Variants in VWA5B1 observed in about 807,000 individuals in gnomAD.
VWA5B1 encodes von Willebrand factor A domain-containing protein 5B1.
A neutral mutation model predicts 118.2 loss-of-function variants in VWA5B1; 115 were observed. The ratio of observed to expected loss-of-function variants is 0.97; its 90% CI spans 0.84 to 1.14. The LOEUF is 1.14. Ranked by LOEUF, VWA5B1 falls within the 50% of genes most tolerant of loss-of-function variation. The pLI is 0.00. For synonymous variants in VWA5B1, 682 were observed against 658.4 expected, an observed-to-expected ratio of 1.04 and a Z score of -0.55; for missense variants, 1,596 against 1,603.8, an observed-to-expected ratio of 1.00 and a Z score of 0.08.
At chr1:20,311,487 G>A (rs563002411) in intron 2 of VWA5B1, among the ~76,000 whole-genome samples, 53 of 152,278 alleles carry the variant, frequency 3.5e-4, no homozygotes, top group Admixed American at 9.8e-4. Context: ...GGATTGTGGC[G>A]GAGCAGATGA....
At position 20,304,425 on chromosome 1, in the gene VWA5B1, C is replaced by T. The variant is rs79365999; in HGVS notation, c.-26-6151C>T. On this transcript the variant is annotated intron_variant, in intron 1 of 21. Transcript: ENST00000289815. ...TTTGGAGGAAGGCAAGCATGTAGAA[C>T]GTGGAGGGCGGTGGCACTGGAGAGA... Among the ~76,000 whole-genome samples the T allele has an allele frequency of 4.7e-3, 721 of 152,116 alleles. 3 individuals carry two copies. Among genetic ancestry groups the T allele is most frequent in the African/African-American group, 0.015 (604 of 41,480 alleles).
rs186348681 is a variant in VWA5B1, at chr1:20,336,390, G to A, written c.1846G>A (p.Glu616Lys). Reference sequence around the variant, plus strand: ...CTCTCAGGATGACGGACCCGGGCTGGAAGGTGGAGACTGTGCCAAGAACTC... The same window carrying A: ...CTCTCAGGATGACGGACCCGGGCTGAAAGGTGGAGACTGTGCCAAGAACTC... ...YHSQDDGPGL[E>K]GGDCAKNSGA... The change falls in exon 13 of 22, where the codon GAA (glutamate) becomes AAA (lysine). Residue 616 changes from glutamate to lysine, a missense_variant. Glu to Lys is a moderately conservative substitution (Grantham distance 56). Transcript: ENST00000289815. The A allele has an allele frequency of 3.5e-5, 54 of 1,528,712 alleles. No homozygotes were observed. Among genetic ancestry groups the A allele is most frequent in the Non-Finnish European group, 4.4e-5 (50 of 1,135,346 alleles). 94.7% of individuals were successfully genotyped at this position (1,528,712 alleles called of 1,614,324 possible). A position where few individuals can be genotyped will look rare whatever the true frequency, so the allele number is the denominator to read the frequency against.
chr1:20,315,108 G>A (rs1187165652), intron 4 of VWA5B1, among the ~76,000 whole-genome samples: 1 of 152,190 alleles, frequency 6.6e-6, no homozygotes, highest in Non-Finnish European at 1.5e-5. Context: ...ACCCAACCTA[G>A]GGGGCCAGGG....
At chr1:20,304,250 T>G (rs1012214879) in intron 1 of VWA5B1, among the ~76,000 whole-genome samples, 11 of 152,102 alleles carry the variant, frequency 7.2e-5, no homozygotes, top group Non-Finnish European at 1.3e-4. Context: ...GAGGAGAGCG[T>G]GTCTGATGGA....
At chr1:20,337,491 C>T (rs867790446) in intron 13 of VWA5B1, among the ~76,000 whole-genome samples, 155 bp from the exon 14 acceptor site, 15 of 152,060 alleles carry the variant, frequency 9.9e-5, no homozygotes, top group Admixed American at 2.6e-4. Flanking sequence ...GGGCCAGATC[C>T]GGAGAGGCTT....
At chr1:20,330,764 C>T (rs2089527286) in intron 10 of VWA5B1, 105 bp from the exon 11 acceptor site, 9 of 1,163,990 alleles carry the variant, frequency 7.7e-6, no homozygotes, top group South Asian at 5.3e-5. Flanking sequence ...GAATATAGGG[C>T]CAGCTCCAAG....
intron 7 of VWA5B1, chr1:20,323,056 T>C (rs1035181118): frequency 1.3e-5 from 3 of 233,388 alleles, no homozygotes; most frequent in Non-Finnish European, 2.5e-5. Context: ...CGGACATTAT[T>C]CGCCCCATTT....
rs553972599 is a variant in VWA5B1, at chr1:20,313,037, A to G, written c.292+49A>G. 9.8e-6 allele frequency: 15 copies of G among 1,538,076 alleles called. No homozygotes were observed. The African/African-American group carries it at 1.6e-4, about 17-fold the overall frequency. On this transcript the variant is annotated intron_variant, in intron 3 of 21. Transcript: ENST00000289815. ...GCGGGACCTGGGTTTGGCCAGCCAG[A>G]GGCTGCCTGGGCTGGAGCCTCAGGC...
chr1:20,323,101 A>G, intron 7 of VWA5B1: 1 of 331,346 alleles, frequency 3.0e-6, no homozygotes, highest in Non-Finnish European at 5.4e-6. Flanking sequence ...GGAGGGACTC[A>G]CCCCCATATC....
chr1:20,350,466 G>C (rs1203722624), intron 19 of VWA5B1, among the ~76,000 whole-genome samples: 1 of 152,190 alleles, frequency 6.6e-6, no homozygotes, highest in East Asian at 1.9e-4. Flanking sequence ...GCCTGGATCA[G>C]GCCTCCTAGT....
intron 19 of VWA5B1, 89 bp downstream of exon 19, chr1:20,350,319 C>T: frequency 7.0e-7 from 1 of 1,422,626 alleles, no homozygotes; most frequent in Non-Finnish European, 9.6e-7. Flanking sequence ...CCGACAAAGT[C>T]CTCAGGGCTT....
chr1:20,354,439 G>A lies in VWA5B1; in HGVS notation c.*176G>A, dbSNP rs925192383. 4 of 803,994 alleles carry A rather than the reference G, an allele frequency of 5.0e-6. No homozygotes were observed. Among genetic ancestry groups the A allele is most frequent in the Non-Finnish European group, 5.7e-6 (3 of 526,154 alleles). The allele number at this position is 803,994 out of a possible 1,614,324, so 49.8% of individuals were successfully genotyped here. The stretch of plus-strand genomic sequence containing the variant: ...TCAATCCCAACTTTGCTACCATCCA[G>A]CCATGCAACTTTAGGCCAGTGCCTG... On this transcript the variant is annotated 3_prime_UTR_variant, in exon 22 of 22. Coordinates refer to ENST00000289815, the MANE Select transcript of VWA5B1 (RefSeq NM_001039500.3).
rs1474688332 is a variant in VWA5B1, at chr1:20,354,159, C to A, written c.3544C>A (p.Gln1182Lys). 6.4e-7 allele frequency: 1 copy of A among 1,551,336 alleles called. No individual in the cohort carries two copies. The highest frequency in any genetic ancestry group is 2.4e-5 in the East Asian group (1 of 40,908). The change falls in exon 22 of 22, where the codon CAG becomes AAG. Residue 1182 changes from glutamine (Q) to lysine (K), a missense_variant. Transcript: ENST00000289815. ...GCAGGAAGTACCCGAGGGCCGCACG[C>A]AGGGCACACTCAAGGCCGCTGCCCG... The part of the protein sequence containing the change: ...EQQEVPEGRT[Q>K]GTLKAAARQL...
chr1:20,332,588 C>T (rs2089600298), intron 11 of VWA5B1, among the ~76,000 whole-genome samples, 178 bp from the exon 12 acceptor site: 1 of 151,790 alleles, frequency 6.6e-6, no homozygotes, highest in Admixed American at 6.6e-5. Context: ...TGCTCCCCAA[C>T]TCTGACATTC....
At chr1:20,351,857 C>T (rs1185351996) in intron 20 of VWA5B1, among the ~76,000 whole-genome samples, 198 bp from the exon 21 acceptor site, 1 of 152,164 alleles carries the variant, frequency 6.6e-6, no homozygotes, top group African/African-American at 2.4e-5. Flanking sequence ...TCTTCCTAGT[C>T]CCAGCTGCTG....
intron 1 of VWA5B1, among the ~76,000 whole-genome samples, chr1:20,292,363 G>A (rs1290664574): frequency 6.6e-6 from 1 of 152,116 alleles, no homozygotes; most frequent in African/African-American, 2.4e-5. Flanking sequence ...AGGTGGTGAG[G>A]CCACGAGGCT....
rs1222012573 is a variant in VWA5B1, at chr1:20,323,431, C to T, written c.1042C>T (p.Leu348Phe). The change falls in exon 8 of 22, where the codon CTC becomes TTC. Residue 348 changes from leucine to phenylalanine, a missense_variant. By Grantham distance (22) the Leu-to-Phe change is conservative. Transcript: ENST00000289815. Reference sequence around the variant, plus strand: ...CATCATGCTCAACTTCTGTCCCGACCTCCAGTCAGTCCAGCCGTGCCTGAG... The same window carrying T: ...CATCATGCTCAACTTCTGTCCCGACTTCCAGTCAGTCCAGCCGTGCCTGAG... The part of the protein sequence containing the change: ...SVIMLNFCPD[L>F]QSVQPCLRKA... 2.0e-6 allele frequency: 3 copies of T among 1,538,224 alleles called. No homozygotes were observed. The highest frequency in any genetic ancestry group is 2.6e-6 in the Non-Finnish European group (3 of 1,141,290).
At chr1:20,322,724 A>G (rs1299774291) in intron 7 of VWA5B1, among the ~76,000 whole-genome samples, 8 of 152,226 alleles carry the variant, frequency 5.3e-5, no homozygotes, top group South Asian at 2.1e-4. Context: ...GCTCTCTGCC[A>G]GGCAGCCAGC....
At chr1:20,345,340 C>A (rs10799629) in intron 16 of VWA5B1, 116 bp from the exon 17 acceptor site, 674,547 of 1,394,106 alleles carry the variant, frequency 0.48, 169,998 homozygotes, top group East Asian at 0.94. Context: ...TTAAAGGCTT[C>A]TTTAATCCCA....
Sources: allele counts gnomAD v4.1 joint callset (sites outside exome capture counted in the v4.1 genomes callset), GRCh38; gene constraint gnomAD v4.1.1; transcripts MANE v1.5; gene names NCBI Gene and HGNC (gene_info 2026-07-23, HGNC 2026-07-21).